The following AKAP6 variants were observed in gnomAD, a reference collection of about 807,000 sequenced individuals.
The protein encoded by AKAP6 is A-kinase anchoring protein 6, also known as A-kinase anchor protein 6.
A neutral mutation model predicts 188.5 loss-of-function variants in AKAP6; 58 were observed. That is an observed-to-expected ratio of 0.31 (90% CI 0.25 to 0.38). AKAP6 has a LOEUF of 0.38. Ranked by LOEUF, AKAP6 falls within the 10% of genes least tolerant of loss-of-function variation. The probability of loss-of-function intolerance (pLI) is 1.00; values close to 1 mark genes in which losing one functional copy is unlikely to be tolerated. For missense variants in AKAP6, 2,710 were observed against 2,740.0 expected, an observed-to-expected ratio of 0.99 and a Z score of 0.24; for synonymous variants, 989 against 998.6, an observed-to-expected ratio of 0.99 and a Z score of 0.18.
At chr14:32,570,839 A>G (rs760407737) in intron 4 of AKAP6, among the ~76,000 whole-genome samples, 1 of 152,090 alleles carries the variant, frequency 6.6e-6, no homozygotes, top group African/African-American at 2.4e-5. Flanking sequence ...TGTCCCCCCA[A>G]ATTAATCCTC....
At chr14:32,573,585 G>A (rs1458942033) in intron 4 of AKAP6, among the ~76,000 whole-genome samples, 1 of 152,022 alleles carries the variant, frequency 6.6e-6, no homozygotes, top group Non-Finnish European at 1.5e-5. Context: ...TTGCCACAAT[G>A]ATATTTATCT....
At chr14:32,519,557 T>A (rs1255327361) in intron 2 of AKAP6, among the ~76,000 whole-genome samples, 9 of 151,924 alleles carry the variant, frequency 5.9e-5, no homozygotes, top group African/African-American at 2.2e-4. Flanking sequence ...TAGTCTCTGA[T>A]AAAACAGACC....
At chr14:32,547,952 G>A (rs570056181) in intron 4 of AKAP6, among the ~76,000 whole-genome samples, 9 of 152,064 alleles carry the variant, frequency 5.9e-5, no homozygotes, top group Middle Eastern at 3.2e-3. Flanking sequence ...GGTAATGGCC[G>A]TTTCCTCAGG....
rs1278464857 is a variant in AKAP6 at position 32,352,097 on chromosome 14, GTGTGTT to G, written c.-35+22695_-35+22700del. Among the ~76,000 whole-genome samples the G allele has an allele frequency of 4.7e-3, 497 of 105,888 alleles. 2 individuals carry two copies. Among genetic ancestry groups the G allele is most frequent in the African/African-American group, 0.023 (431 of 18,588 alleles). 69.5% of individuals were successfully genotyped at this position (105,888 alleles called of 152,430 possible). A position where few individuals can be genotyped will look rare whatever the true frequency, so the allele number is the denominator to read the frequency against. ...TGTGTGTGTGTGTGTGTGTGTGTGTGTGTGTTTGTGTGTGTGTGTGTGTGTGTGTGT... is the reference window on the plus strand; with the variant it reads ...TGTGTGTGTGTGTGTGTGTGTGTGTGTGTGTGTGTGTGTGTGTGTGTGTGT... On this transcript the variant is annotated intron_variant, in intron 1 of 13. Transcript: ENST00000280979.
intron 13 of AKAP6, among the ~76,000 whole-genome samples, chr14:32,827,638 G>C (rs1471442685): frequency 6.6e-6 from 1 of 152,156 alleles, no homozygotes; most frequent in African/African-American, 2.4e-5. Flanking sequence ...AGAGGGGTCA[G>C]TTACAGCAAA....
chr14:32,335,703 T>C (rs928047873), intron 1 of AKAP6, among the ~76,000 whole-genome samples: 1 of 152,148 alleles, frequency 6.6e-6, no homozygotes, highest in East Asian at 1.9e-4. Context: ...ATCCTGTTGG[T>C]TCAATGTTTA....
Position 32,823,153 on chromosome 14 carries a change from A to G in AKAP6, c.5340A>G (p.Ala1780=), listed in dbSNP as rs139678478. 1 of 1,613,832 alleles carries G rather than the reference A, an allele frequency of 6.2e-7. No homozygotes were observed. The highest frequency in any genetic ancestry group is 1.3e-5 in the African/African-American group (1 of 75,006). The part of the protein sequence containing the change: ...IKDEDDDSSI[A]TDDEIYEDCT... ...ATGAGGATGACGACTCCAGTATTGC[A>G]ACAGATGATGAAATTTATGAAGACT... is the stretch of plus-strand genomic sequence containing the variant. Residue 1780 remains alanine (A), a synonymous_variant, in exon 13 of 14, where the codon GCA becomes GCG. Transcript: ENST00000280979.
intron 5 of AKAP6, among the ~76,000 whole-genome samples, chr14:32,594,588 T>C (rs1351567505): frequency 2.6e-5 from 4 of 152,126 alleles, no homozygotes; most frequent in Admixed American, 6.6e-5. Context: ...GAAGAGAAAC[T>C]ACACAGAGGA....
At chr14:32,575,395 C>T (rs1054682284) in intron 4 of AKAP6, among the ~76,000 whole-genome samples, 10 of 152,140 alleles carry the variant, frequency 6.6e-5, no homozygotes, top group African/African-American at 1.9e-4. Context: ...GAAACCTTCT[C>T]TGTTGGACAT....
chr14:32,632,951 G>C (rs553345220), intron 7 of AKAP6, among the ~76,000 whole-genome samples: 2 of 152,104 alleles, frequency 1.3e-5, no homozygotes, highest in African/African-American at 4.8e-5. Context: ...TATGAGACTG[G>C]AATAATTTAT....
At chr14:32,449,521 CAAAA>C (rs33960351) in intron 2 of AKAP6, among the ~76,000 whole-genome samples, 30,116 of 104,320 alleles carry the variant, frequency 0.29, 6,827 homozygotes, top group African/African-American at 0.66. Context: ...GACTCCATCT[CAAAA>C]AAAAAAAAAA....
chr14:32,823,528 G>A lies in AKAP6; in HGVS notation c.5715G>A (p.Arg1905=), dbSNP rs1451712940. Residue 1905 remains arginine, a synonymous_variant, in exon 13 of 14, where the codon AGG becomes AGA. Coordinates refer to ENST00000280979, the MANE Select transcript of AKAP6 (RefSeq NM_004274.5). ...ENGNIEGIPE[R]QKGKPNVTSK... ...GCAATATTGAAGGTATTCCAGAAAG[G>A]CAAAAGGGAAAACCGAATGTGACTT... 1.9e-6 allele frequency: 3 copies of A among 1,613,684 alleles called. No individual in the cohort carries two copies. The highest frequency in any genetic ancestry group is 1.7e-6 in the Non-Finnish European group (2 of 1,179,876).
Position 32,435,719 on chromosome 14 carries a change from T to G in AKAP6, c.324+1902T>G, listed in dbSNP as rs894022386. Among the ~76,000 whole-genome samples the G allele has an allele frequency of 8.9e-4, 135 of 152,314 alleles. 1 individual carries two copies. Among genetic ancestry groups the G allele is most frequent in the African/African-American group, 3.2e-3 (132 of 41,562 alleles). On this transcript the variant is annotated intron_variant, in intron 2 of 13. Transcript: ENST00000280979. ...AATATAAATTGTCCTATGTTCATTT[T>G]ATCCTAGGATGTCTATCATGACTTT...
intron 2 of AKAP6, among the ~76,000 whole-genome samples, chr14:32,504,878 C>A (rs1880791391): frequency 6.6e-6 from 1 of 152,168 alleles, no homozygotes. Context: ...TCATCTGGGA[C>A]TACACTAAAG....
chr14:32,675,635 A>G (rs1340218968), intron 7 of AKAP6, among the ~76,000 whole-genome samples: 4 of 152,218 alleles, frequency 2.6e-5, no homozygotes, highest in Non-Finnish European at 5.9e-5. Context: ...TTGGGAATGA[A>G]TCACTGAAAA....
At chr14:32,335,507 C>A (rs1172304239) in intron 1 of AKAP6, among the ~76,000 whole-genome samples, 3 of 152,096 alleles carry the variant, frequency 2.0e-5, no homozygotes, top group Non-Finnish European at 4.4e-5. Context: ...TCAAAACAAC[C>A]CAGAGCAAGG....
intron 1 of AKAP6, among the ~76,000 whole-genome samples, chr14:32,387,908 T>C (rs12590087): frequency 1.3e-5 from 2 of 151,730 alleles, no homozygotes; most frequent in African/African-American, 4.8e-5. Context: ...TGTGGAATAG[T>C]GTCAATAGGA....
intron 3 of AKAP6, among the ~76,000 whole-genome samples, chr14:32,536,586 A>T (rs1383002132): frequency 6.6e-6 from 1 of 152,176 alleles, no homozygotes; most frequent in Non-Finnish European, 1.5e-5. Flanking sequence ...AACTCCCATG[A>T]TTCATGTTTT....
intron 7 of AKAP6, among the ~76,000 whole-genome samples, chr14:32,637,841 T>C (rs1316810895): frequency 6.7e-6 from 1 of 150,062 alleles, no homozygotes; most frequent in Non-Finnish European, 1.5e-5. Context: ...GTGTAGGTCA[T>C]CGGAACTGAG....
Sources: gnomAD v4.1 joint callset for allele counts (sites outside exome capture counted in the v4.1 genomes callset) on GRCh38, gnomAD v4.1.1 for gene constraint, MANE v1.5 for transcripts, NCBI Gene and HGNC (gene_info 2026-07-23, HGNC 2026-07-21) for gene names.